FARP1: variants seen among roughly 807,000 people sequenced by gnomAD.
The protein encoded by FARP1 is FERM, ARH/RhoGEF and pleckstrin domain protein 1.
FARP1 carries 52 observed loss-of-function variants against 128.8 expected under a neutral mutation model. That is an observed-to-expected ratio of 0.40 (90% CI 0.32 to 0.51). The LOEUF (loss-of-function observed/expected upper bound fraction) is 0.51. FARP1 is among the 20% of genes least tolerant of loss of function. The pLI is 0.45. For synonymous variants in FARP1, 580 were observed against 551.8 expected, an observed-to-expected ratio of 1.05 and a Z score of -0.72; for missense variants, 1,333 against 1,367.9, an observed-to-expected ratio of 0.97 and a Z score of 0.40.
At chr13:98,255,729 C>T (rs1007507461) in intron 2 of FARP1, among the ~76,000 whole-genome samples, 1 of 152,142 alleles carries the variant, frequency 6.6e-6, no homozygotes, top group Non-Finnish European at 1.5e-5. Flanking sequence ...AAGATCATAC[C>T]TTCAACTTTC....
intron 2 of FARP1, among the ~76,000 whole-genome samples, chr13:98,308,688 AGAT>A (rs1161413362): frequency 6.6e-6 from 1 of 152,204 alleles, no homozygotes; most frequent in African/African-American, 2.4e-5. Context: ...GTTTGTTTTG[AGAT>A]GGGGTCTCAC....
At chr13:98,361,947 A>G (rs1888890308) in intron 3 of FARP1, among the ~76,000 whole-genome samples, 1 of 152,124 alleles carries the variant, frequency 6.6e-6, no homozygotes. Flanking sequence ...TTTCTTAAAT[A>G]CATGCAGGTC....
chr13:98,244,719 T>G, intron 2 of FARP1: 6 of 1,609,892 alleles, frequency 3.7e-6, no homozygotes, highest in Non-Finnish European at 5.1e-6. Context: ...AGTCAGGACT[T>G]GAAGTCCTGT....
At chr13:98,197,084 T>C (rs1879606916) in intron 1 of FARP1, among the ~76,000 whole-genome samples, 1 of 152,220 alleles carries the variant, frequency 6.6e-6, no homozygotes, top group African/African-American at 2.4e-5. Flanking sequence ...TGCTTTTCTT[T>C]TCCCAACTTG....
In FARP1 at chr13:98,145,355, C is replaced by T. The variant is rs773524289; in HGVS notation, c.-24+1863C>T. Among the ~76,000 whole-genome samples, 5 of 152,316 alleles carry T rather than the reference C, an allele frequency of 3.3e-5. No homozygotes were observed. In the South Asian group the frequency reaches 6.2e-4, roughly 19 times the overall value. On this transcript the variant is annotated intron_variant, in intron 1 of 26. Transcript: ENST00000319562. ...TTTGAAGCGTGGTTTCTAATGCCCC[C>T]TTTCACATTGATATTCTCTTCCTTT...
intron 2 of FARP1, among the ~76,000 whole-genome samples, chr13:98,290,132 T>G (rs1307049047): frequency 6.6e-6 from 1 of 151,514 alleles, no homozygotes; most frequent in Non-Finnish European, 1.5e-5. Flanking sequence ...TCCCCAAGCC[T>G]TACTTCTGGG....
intron 2 of FARP1, among the ~76,000 whole-genome samples, chr13:98,236,846 G>A (rs1261776483): frequency 1.3e-5 from 2 of 152,034 alleles, no homozygotes; most frequent in East Asian, 1.9e-4. Flanking sequence ...AAATAAATTC[G>A]CCAGGCGTGG....
At chr13:98,408,896 G>C (rs1381395978) in intron 13 of FARP1, among the ~76,000 whole-genome samples, 1 of 152,180 alleles carries the variant, frequency 6.6e-6, no homozygotes, top group African/African-American at 2.4e-5. Context: ...CCATTGTTAC[G>C]GGACGTAGTG....
Position 98,228,652 on chromosome 13 carries a change from C to T in FARP1, c.171+15239C>T, listed in dbSNP as rs180955911. ...GTGACTGGCTTCTCTGGGATTTCCC[C>T]GGTTGCCAGAGTGTTTCTTGCACAT... On this transcript the variant is annotated intron_variant, in intron 2 of 26. Transcript: ENST00000319562. Among the ~76,000 whole-genome samples the T allele has an allele frequency of 9.9e-5, 15 of 152,264 alleles. 1 individual carries two copies. The highest frequency in any genetic ancestry group is 2.4e-4 in the African/African-American group (10 of 41,556).
At chr13:98,243,170 G>A (rs376123159) in intron 2 of FARP1, among the ~76,000 whole-genome samples, 6 of 152,220 alleles carry the variant, frequency 3.9e-5, no homozygotes, top group East Asian at 1.9e-4. Context: ...GTGCCACAAC[G>A]CCATAAAAAA....
At position 98,453,373 on chromosome 13, in the gene FARP1, T is replaced by G; in HGVS notation, c.*5056T>G. ...AAGTCTAATTTTAAAAGAATGCATATAAAGACTGAGAAGATCATGATTCTT... is the reference window on the plus strand; with the variant it reads ...AAGTCTAATTTTAAAAGAATGCATAGAAAGACTGAGAAGATCATGATTCTT... On this transcript the variant is annotated 3_prime_UTR_variant, in exon 27 of 27. Coordinates refer to ENST00000319562, the MANE Select transcript of FARP1 (RefSeq NM_005766.4). 1.5e-6 allele frequency: 1 copy of G among 681,688 alleles called. No individual in the cohort carries two copies. The highest frequency in any genetic ancestry group is 2.4e-6 in the Non-Finnish European group (1 of 414,570). The allele number at this position is 681,688 out of a possible 1,614,324, so 42.2% of individuals were successfully genotyped here.
At chr13:98,148,536 T>C (rs1486483786) in intron 1 of FARP1, among the ~76,000 whole-genome samples, 1 of 152,250 alleles carries the variant, frequency 6.6e-6, no homozygotes, top group Non-Finnish European at 1.5e-5. Context: ...CTAATTGTTT[T>C]ATATGGTACT....
At chr13:98,273,884 A>G (rs1392546604) in intron 2 of FARP1, among the ~76,000 whole-genome samples, 1 of 152,226 alleles carries the variant, frequency 6.6e-6, no homozygotes, top group African/African-American at 2.4e-5. Flanking sequence ...AACAAAGCTC[A>G]TCTTCTTTCC....
At position 98,246,205 on chromosome 13, in the gene FARP1, C is replaced by T. The variant is rs531160019; in HGVS notation, c.171+32792C>T. On this transcript the variant is annotated intron_variant, in intron 2 of 26. Coordinates refer to ENST00000319562, the MANE Select transcript of FARP1 (RefSeq NM_005766.4). ...CGCCCCCTGGGGTTCACGCCATTCT[C>T]CTGCCTCAGCCTCCCGAGTAGCTAG... 4.2e-5 allele frequency among the ~76,000 whole-genome samples: 6 copies of T among 141,982 alleles called. No homozygotes were observed. In the South Asian group the frequency reaches 1.3e-3, roughly 32 times the overall value. The allele number at this position is 141,982 out of a possible 152,430, so 93.1% of individuals were successfully genotyped here.
At chr13:98,218,139 C>G (rs1289617777) in intron 2 of FARP1, among the ~76,000 whole-genome samples, 3 of 151,712 alleles carry the variant, frequency 2.0e-5, no homozygotes, top group African/African-American at 7.3e-5. Context: ...ACCCCACATC[C>G]TCGCCCCACA....
chr13:98,196,713 C>T (rs751866106), intron 1 of FARP1, among the ~76,000 whole-genome samples: 2 of 152,156 alleles, frequency 1.3e-5, no homozygotes, highest in Admixed American at 6.5e-5. Flanking sequence ...AACCTGATAG[C>T]GCCTAAATAA....
chr13:98,240,040 G>A (rs1566782682), intron 2 of FARP1, among the ~76,000 whole-genome samples: 1 of 152,140 alleles, frequency 6.6e-6, no homozygotes, highest in Admixed American at 6.5e-5. Context: ...AAGGAGGCAG[G>A]AGGGGAGGTG....
At chr13:98,432,043 G>A (rs1230983463) in intron 18 of FARP1, 2 of 152,190 alleles carry the variant, frequency 1.3e-5, no homozygotes, top group African/African-American at 4.8e-5. Flanking sequence ...CATCTCTCCT[G>A]TATTAACTCT....
At chr13:98,183,780 C>A (rs1356622508) in intron 1 of FARP1, among the ~76,000 whole-genome samples, 1 of 152,180 alleles carries the variant, frequency 6.6e-6, no homozygotes, top group African/African-American at 2.4e-5. Context: ...CTCATACTCG[C>A]TGCCTCCACT....
Sources: gnomAD v4.1 joint callset for allele counts (sites outside exome capture counted in the v4.1 genomes callset) on GRCh38, gnomAD v4.1.1 for gene constraint, MANE v1.5 for transcripts, NCBI Gene and HGNC (gene_info 2026-07-23, HGNC 2026-07-21) for gene names.